Variants in ICAM5 observed in about 807,000 individuals in gnomAD.
ICAM5 encodes intercellular adhesion molecule 5, also known as ICAM-5.
Under a neutral mutation model 78.8 loss-of-function variants are expected in ICAM5, and 38 were observed. That is an observed-to-expected ratio of 0.48 (90% confidence interval 0.37 to 0.63). The LOEUF (loss-of-function observed/expected upper bound fraction) is 0.63, where lower values mean the gene tolerates loss of function less well. Among genes scored for constraint, ICAM5 ranks in the 30% least tolerant of loss-of-function variants. ICAM5 has a pLI of 0.00. For missense variants in ICAM5, 1,059 were observed against 1,303.0 expected (o/e 0.81, Z 2.88); for synonymous variants, 544 against 590.9 (o/e 0.92, Z 1.15).
chr19:10,294,439 C>G lies in ICAM5; in HGVS notation c.2029C>G (p.Gln677Glu). The change falls in exon 9 of 11, where the codon CAG becomes GAG. Residue 677 changes from glutamine to glutamate, a missense_variant. Physicochemically the swap from Gln to Glu is conservative, Grantham distance 29. This residue lies in a region of ICAM5 where 815 missense variants were observed against 952.8 expected (regional missense o/e 0.86). Transcript: ENST00000221980. The surrounding 1 kb of genome is among the most constrained non-coding windows in gnomAD (Gnocchi z 7.7). ...GGATGAATCTACCTGCCCAAGTCACCAGACGTGGCTGGAAGGGGCTGAGGC... is the reference window on the plus strand; with the variant it reads ...GGATGAATCTACCTGCCCAAGTCACGAGACGTGGCTGGAAGGGGCTGAGGC... ...EMDESTCPSH[Q>E]TWLEGAEASA... The G allele has an allele frequency of 6.2e-7, 1 of 1,611,394 alleles. No individual in the cohort carries two copies. Among genetic ancestry groups the G allele is most frequent in the Non-Finnish European group, 8.5e-7 (1 of 1,179,138 alleles).
chr19:10,295,349 G>T lies in ICAM5; in HGVS notation c.2234G>T (p.Arg745Leu). 6.4e-7 allele frequency: 1 copy of T among 1,555,890 alleles called. No homozygotes were observed. The highest frequency in any genetic ancestry group is 8.7e-7 in the Non-Finnish European group (1 of 1,155,940). Reference protein sequence around the residue: ...SRTVTVGVEYRPVVAELAASP... With the variant: ...SRTVTVGVEYLPVVAELAASP... The stretch of plus-strand genomic sequence containing the variant: ...CTTCACCTTCTGTGCCCTTCAGACC[G>T]GCCAGTGGTGGCCGAACTTGCTGCC... The change falls in exon 10 of 11, where the codon CGG becomes CTG. Residue 745 changes from arginine to leucine, a missense_variant. Around this residue, in one of 3 missense-constraint regions of ICAM5, gnomAD observed 135 missense variants for 230.2 expected, o/e 0.59. Coordinates refer to ENST00000221980, the MANE Select transcript of ICAM5 (RefSeq NM_003259.4).
chr19:10,295,376 C>T lies in ICAM5; in HGVS notation c.2261C>T (p.Ser754Leu), dbSNP rs749734248. Reference sequence around the variant, plus strand: ...CCAGTGGTGGCCGAACTTGCTGCCTCGCCCCCTGGAGGCGTGCGCCCAGGA... The same window carrying T: ...CCAGTGGTGGCCGAACTTGCTGCCTTGCCCCCTGGAGGCGTGCGCCCAGGA... ...YRPVVAELAA[S>L]PPGGVRPGGN... The change falls in exon 10 of 11, where the codon TCG becomes TTG. Residue 754 changes from serine to leucine, a missense_variant. Physicochemically the swap from Ser to Leu is moderately radical, Grantham distance 145. Transcript: ENST00000221980. 49 of 1,580,304 alleles carry T rather than the reference C, an allele frequency of 3.1e-5. No homozygotes were observed. The highest frequency in any genetic ancestry group is 2.9e-5 in the Non-Finnish European group (34 of 1,166,386).
chr19:10,292,721 T>G lies in ICAM5; in HGVS notation c.1071T>G (p.Val357=), dbSNP rs749856101. 2 of 1,613,116 alleles carry G rather than the reference T, an allele frequency of 1.2e-6. No homozygotes were observed. Among genetic ancestry groups the G allele is most frequent in the Admixed American group, 3.3e-5 (2 of 59,936 alleles). Residue 357 remains valine (V), a synonymous_variant, in exon 5 of 11, where the codon GTT becomes GTG. Coordinates refer to ENST00000221980, the MANE Select transcript of ICAM5 (RefSeq NM_003259.4). ...AAGCTCTGGTCACACTGGAGGGAGT[T>G]CCAGCCGCGGTCCCGGGGCAGCCCG... ...GAQALVTLEG[V]PAAVPGQPAQ... is the part of the protein sequence containing the mutation.
rs1163467154 is a variant in ICAM5 at position 10,293,014 on chromosome 19, C to G, written c.1233C>G (p.Asp411Glu). ...ELRVLYAPRL[D>E]DSDCPRSWTW... ...TGCCCGCAGACGCTCCCCGGCTAGA[C>G]GATTCGGACTGCCCCAGGAGTTGGA... The change falls in exon 6 of 11, where the codon GAC (aspartate) becomes GAG (glutamate). Residue 411 changes from aspartate to glutamate, a missense_variant. Around this residue, in one of 3 missense-constraint regions of ICAM5, gnomAD observed 815 missense variants for 952.8 expected, o/e 0.86. Transcript: ENST00000221980. This position sits in a 1 kb window ranked among gnomAD's most constrained non-coding sequence, Gnocchi z 5.0. 2 of 1,611,028 alleles carry G rather than the reference C, an allele frequency of 1.2e-6. No individual in the cohort carries two copies. The highest frequency in any genetic ancestry group is 1.1e-5 in the South Asian group (1 of 91,070).
Position 10,293,226 on chromosome 19 carries a change from A to C in ICAM5, c.1445A>C (p.Asp482Ala). The C allele has an allele frequency of 6.3e-7, 1 of 1,591,210 alleles. No homozygotes were observed. The highest frequency in any genetic ancestry group is 8.6e-7 in the Non-Finnish European group (1 of 1,169,112). The change falls in exon 6 of 11, where the codon GAC becomes GCC. Residue 482 changes from aspartate to alanine, a missense_variant. By Grantham distance (126) the Asp-to-Ala change is moderately radical (BLOSUM62 -2). Coordinates refer to ENST00000221980, the MANE Select transcript of ICAM5 (RefSeq NM_003259.4). The surrounding 1 kb of genome is among the most constrained non-coding windows in gnomAD (Gnocchi z 5.0). ...AATGATCAAGGCGAGGCGGTCAAGGACGTAACGCTAACGGTGGAGTGTGAG... is the reference window on the plus strand; with the variant it reads ...AATGATCAAGGCGAGGCGGTCAAGGCCGTAACGCTAACGGTGGAGTGTGAG... The part of the protein sequence containing the change: ...AANDQGEAVK[D>A]VTLTVEYAPA...
rs1038135744 is a variant in ICAM5 at position 10,293,916 on chromosome 19, G to A, written c.1684G>A (p.Ala562Thr). ...AGCCACCAACCCTCGGGGCTCTGCG[G>A]CCAAAAATGTGGCCGTCACGGTGGA... ...CEATNPRGSA[A>T]KNVAVTVEYG... Residue 562 changes from alanine (A) to threonine (T), a missense_variant, in exon 7 of 11, where the codon GCC becomes ACC. Coordinates refer to ENST00000221980, the MANE Select transcript of ICAM5 (RefSeq NM_003259.4). The surrounding 1 kb of genome is among the most constrained non-coding windows in gnomAD (Gnocchi z 5.0). 5 of 1,611,436 alleles carry A rather than the reference G, an allele frequency of 3.1e-6. No individual in the cohort carries two copies. Among genetic ancestry groups the A allele is most frequent in the Non-Finnish European group, 4.2e-6 (5 of 1,179,734 alleles).
chr19:10,293,567 ACCT>A lies in ICAM5; in HGVS notation c.1466-127_1466-125del. ...GAGTGCATGCCTCGACTAGCGTGACACCTCCTTGGATCGGCGTCCAAGGGTTAT... is the reference window on the plus strand; with the variant it reads ...GAGTGCATGCCTCGACTAGCGTGACACCTTGGATCGGCGTCCAAGGGTTAT... On this transcript the variant is annotated intron_variant, in intron 6 of 10. Coordinates refer to ENST00000221980, the MANE Select transcript of ICAM5 (RefSeq NM_003259.4). This position sits in a 1 kb window ranked among gnomAD's most constrained non-coding sequence, Gnocchi z 5.0. 1 of 1,287,246 alleles carries A rather than the reference ACCT, an allele frequency of 7.8e-7. No individual in the cohort carries two copies. Among genetic ancestry groups the A allele is most frequent in the Admixed American group, 2.2e-5 (1 of 44,744 alleles). The allele number at this position is 1,287,246 out of a possible 1,614,324, so 79.7% of individuals were successfully genotyped here.
intron 2 of ICAM5, 21 bp downstream of exon 2, chr19:10,291,362 C>A: frequency 6.2e-7 from 1 of 1,605,628 alleles, no homozygotes; most frequent in South Asian, 1.1e-5. Context: ...GGTGGCCACG[C>A]GCGTACTCCA....
chr19:10,293,257 G>A lies in ICAM5; in HGVS notation c.1465+11G>A, dbSNP rs577723443. ...CGCTAACGGTGGAGTGTGAGTGGGG[G>A]TGCGCAGGGTGCATTTCTATCTGGT... is the stretch of plus-strand genomic sequence containing the variant. On this transcript the variant is annotated intron_variant, in intron 6 of 10. Transcript: ENST00000221980. This position sits in a 1 kb window ranked among gnomAD's most constrained non-coding sequence, Gnocchi z 5.0. 3 of 1,562,776 alleles carry A rather than the reference G, an allele frequency of 1.9e-6. No homozygotes were observed.
intron 4 of ICAM5, 51 bp downstream of exon 4, chr19:10,292,373 G>C (rs1346308446): frequency 3.3e-6 from 5 of 1,524,214 alleles, no homozygotes; most frequent in Non-Finnish European, 4.4e-6. Flanking sequence ...CCAGAGGAAT[G>C]CGAAGGCGGG....
chr19:10,295,852 T>C (rs2040216423), intron 10 of ICAM5, among the ~76,000 whole-genome samples: 1 of 152,180 alleles, frequency 6.6e-6, no homozygotes. Flanking sequence ...CTGTCACTGC[T>C]GCAGGAAAGG....
In ICAM5 at chr19:10,293,884, G is replaced by T; in HGVS notation, c.1652G>T (p.Arg551Leu). Reference protein sequence around the residue: ...RVAREHAGTYRCEATNPRGSA... With the variant: ...RVAREHAGTYLCEATNPRGSA... ...GCCCGGGAGCATGCGGGCACTTACC[G>T]CTGCGAAGCCACCAACCCTCGGGGC... Residue 551 changes from arginine (R) to leucine (L), a missense_variant, in exon 7 of 11, where the codon CGC (arginine) becomes CTC (leucine). Transcript: ENST00000221980. The surrounding 1 kb of genome is among the most constrained non-coding windows in gnomAD (Gnocchi z 5.0). 2 of 1,611,236 alleles carry T rather than the reference G, an allele frequency of 1.2e-6. No individual in the cohort carries two copies. The highest frequency in any genetic ancestry group is 1.1e-5 in the South Asian group (1 of 91,036).
chr19:10,293,929 C>A lies in ICAM5; in HGVS notation c.1697C>A (p.Ala566Asp). The A allele has an allele frequency of 6.2e-7, 1 of 1,612,014 alleles. No individual in the cohort carries two copies. The highest frequency in any genetic ancestry group is 1.1e-5 in the South Asian group (1 of 91,042). The change falls in exon 7 of 11, where the codon GCC becomes GAC. Residue 566 changes from alanine to aspartate, a missense_variant. Physicochemically the swap from Ala to Asp is moderately radical, Grantham distance 126. Around this residue, in one of 3 missense-constraint regions of ICAM5, gnomAD observed 815 missense variants for 952.8 expected, o/e 0.86. Transcript: ENST00000221980. The surrounding 1 kb of genome is among the most constrained non-coding windows in gnomAD (Gnocchi z 5.0). ...NPRGSAAKNV[A>D]VTVEYGPRFE... Reference sequence around the variant, plus strand: ...CGGGGCTCTGCGGCCAAAAATGTGGCCGTCACGGTGGAATGTGAGTAGGGG... The same window carrying A: ...CGGGGCTCTGCGGCCAAAAATGTGGACGTCACGGTGGAATGTGAGTAGGGG...
Position 10,291,242 on chromosome 19 carries a change from C to T in ICAM5, c.253C>T (p.Arg85Trp). 1.9e-6 allele frequency: 3 copies of T among 1,612,356 alleles called. No homozygotes were observed. The South Asian group carries it at 3.3e-5, about 18-fold the overall frequency. Reference protein sequence around the residue: ...GTQRGLRWLARQLVDIREPET... With the variant: ...GTQRGLRWLAWQLVDIREPET... ...CCAGAGGGGTTTGCGTTGGTTGGCGCGGCAGCTGGTGGACATTCGCGAGCC... is the reference window on the plus strand; with the variant it reads ...CCAGAGGGGTTTGCGTTGGTTGGCGTGGCAGCTGGTGGACATTCGCGAGCC... The change falls in exon 2 of 11, where the codon CGG (arginine) becomes TGG (tryptophan). Residue 85 changes from arginine (R) to tryptophan (W), a missense_variant. Coordinates refer to ENST00000221980, the MANE Select transcript of ICAM5 (RefSeq NM_003259.4).
rs957921780 is a variant in ICAM5 at position 10,292,843 on chromosome 19, G to A, written c.1193G>A (p.Arg398Lys). 6 of 1,612,762 alleles carry A rather than the reference G, an allele frequency of 3.7e-6. No homozygotes were observed. The highest frequency in any genetic ancestry group is 1.7e-4 in the Middle Eastern group (1 of 6,054). The change falls in exon 5 of 11, where the codon AGG becomes AAG. Residue 398 changes from arginine to lysine, a missense_variant. By Grantham distance (26) the Arg-to-Lys change is conservative (BLOSUM62 2). Transcript: ENST00000221980. The stretch of plus-strand genomic sequence containing the variant: ...GACGGGGAGACCCTGATCAAGAACA[G>A]GAGCGCAGAGCTTCGTGTCCTATGT... ...DVDGETLIKN[R>K]SAELRVLYAP...
intron 4 of ICAM5, 49 bp from the exon 5 acceptor site, chr19:10,292,563 G>A: frequency 6.6e-7 from 1 of 1,518,458 alleles, no homozygotes; most frequent in Admixed American, 2.2e-5. Flanking sequence ...GGCCTTGACC[G>A]GAGGGAGGGG....
Position 10,293,152 on chromosome 19 carries a change from G to A in ICAM5, c.1371G>A (p.Leu457=), listed in dbSNP as rs2040190384. The A allele has an allele frequency of 1.2e-6, 2 of 1,611,260 alleles. No homozygotes were observed. The highest frequency in any genetic ancestry group is 2.2e-5 in the South Asian group (2 of 90,952). ...GGGCCGTGCTGGCTCTGGGCCTGCT[G>A]GGTCCAGTCACTCGGGCGCTCTCAG... ...DGGAVLALGL[L]GPVTRALSGT... The change falls in exon 6 of 11, where the codon CTG becomes CTA. Residue 457 remains leucine (L), a synonymous_variant. Coordinates refer to ENST00000221980, the MANE Select transcript of ICAM5 (RefSeq NM_003259.4). The surrounding 1 kb of genome is among the most constrained non-coding windows in gnomAD (Gnocchi z 5.0).
Position 10,293,417 on chromosome 19 carries a change from C to T in ICAM5, c.1465+171C>T, listed in dbSNP as rs1371893542. On this transcript the variant is annotated intron_variant, in intron 6 of 10. Coordinates refer to ENST00000221980, the MANE Select transcript of ICAM5 (RefSeq NM_003259.4). The surrounding 1 kb of genome is among the most constrained non-coding windows in gnomAD (Gnocchi z 5.0). ...AAAGATCTTGGAGGATGGAAGGGAC[C>T]GGGTGGGCGTGCCCCTAGCCTAGGG... is the stretch of plus-strand genomic sequence containing the variant. Among the ~76,000 whole-genome samples, 1 of 152,002 alleles carries T rather than the reference C, an allele frequency of 6.6e-6. No homozygotes were observed. Among genetic ancestry groups the T allele is most frequent in the Non-Finnish European group, 1.5e-5 (1 of 67,980 alleles).
At position 10,292,221 on chromosome 19, in the gene ICAM5, C is replaced by G; in HGVS notation, c.860C>G (p.Thr287Arg). 6.2e-7 allele frequency: 1 copy of G among 1,613,300 alleles called. No individual in the cohort carries two copies. The highest frequency in any genetic ancestry group is 8.5e-7 in the Non-Finnish European group (1 of 1,180,018). The change falls in exon 4 of 11, where the codon ACA becomes AGA. Residue 287 changes from threonine to arginine, a missense_variant. Physicochemically the swap from Thr to Arg is moderately conservative, Grantham distance 71. Coordinates refer to ENST00000221980, the MANE Select transcript of ICAM5 (RefSeq NM_003259.4). ...GGGGACGCATTCGTGGCCACTGCCA[C>G]AGCCACAGCTAGCGCAGAGCAGGAG... ...LEGDAFVATATATASAEQEGA... is the reference protein window; with the variant it reads ...LEGDAFVATARATASAEQEGA...
Sources: allele counts gnomAD v4.1 joint callset (sites outside exome capture counted in the v4.1 genomes callset), GRCh38; gene constraint gnomAD v4.1.1; regional missense constraint gnomAD v4.1.1; non-coding constraint Gnocchi (gnomAD v3.1); transcripts MANE v1.5; gene names NCBI Gene and HGNC (gene_info 2026-07-23, HGNC 2026-07-21).